GRM7: variants seen among roughly 807,000 people sequenced by gnomAD.
GRM7 encodes glutamate metabotropic receptor 7.
Under a neutral mutation model 84.5 loss-of-function variants are expected in GRM7, and 35 were observed. The ratio of observed to expected loss-of-function variants is 0.41; its 90% CI spans 0.32 to 0.55. The LOEUF (loss-of-function observed/expected upper bound fraction) is 0.55. GRM7 is among the 20% of genes least tolerant of loss of function. The pLI is 0.19. For missense variants in GRM7, 1,003 were observed against 1,194.6 expected, an observed-to-expected ratio of 0.84 and a Z score of 2.36; for synonymous variants, 487 against 455.1, an observed-to-expected ratio of 1.07 and a Z score of -0.89.
At chr3:7,285,634 C>G (rs1015634940) in intron 2 of GRM7, among the ~76,000 whole-genome samples, 2 of 152,068 alleles carry the variant, frequency 1.3e-5, no homozygotes, top group Non-Finnish European at 2.9e-5. Context: ...AGAAACTCTT[C>G]TATTCCTTGA....
At chr3:6,948,497 G>C (rs1014447289) in intron 1 of GRM7, among the ~76,000 whole-genome samples, 1 of 152,170 alleles carries the variant, frequency 6.6e-6, no homozygotes, top group Non-Finnish European at 1.5e-5. Context: ...TTTTGGAATA[G>C]GTGTGGTGTG....
intron 2 of GRM7, among the ~76,000 whole-genome samples, chr3:7,278,822 C>G (rs62234948): frequency 6.6e-6 from 1 of 152,266 alleles, no homozygotes. Flanking sequence ...CAGGTCTTCA[C>G]TGAATGGATA....
At chr3:7,070,744 C>G (rs915906538) in intron 1 of GRM7, among the ~76,000 whole-genome samples, 1 of 151,632 alleles carries the variant, frequency 6.6e-6, no homozygotes, top group Non-Finnish European at 1.5e-5. Flanking sequence ...TTTTCTTTAT[C>G]TTTGTGACAA....
At chr3:7,109,879 A>C (rs768483811) in intron 1 of GRM7, among the ~76,000 whole-genome samples, 7 of 152,108 alleles carry the variant, frequency 4.6e-5, no homozygotes, top group African/African-American at 1.7e-4. Flanking sequence ...TCTGCCATAA[A>C]TCCAATCTTC....
intron 2 of GRM7, among the ~76,000 whole-genome samples, chr3:7,216,134 G>A (rs540255078): frequency 8.5e-5 from 13 of 152,188 alleles, no homozygotes; most frequent in Admixed American, 2.0e-4. Flanking sequence ...TTTTGAAAAT[G>A]CCTCAGAAAG....
intron 1 of GRM7, among the ~76,000 whole-genome samples, chr3:6,978,491 C>T (rs1694080048): frequency 6.6e-6 from 1 of 152,114 alleles, no homozygotes. Flanking sequence ...TACTTCCCCC[C>T]CATTTGATCC....
intron 5 of GRM7, among the ~76,000 whole-genome samples, chr3:7,416,631 A>G (rs1165440371): frequency 6.6e-6 from 1 of 152,194 alleles, no homozygotes; most frequent in Non-Finnish European, 1.5e-5. Context: ...ATGAATAACA[A>G]TAATGATATA....
chr3:7,593,949 A>G lies in GRM7; in HGVS notation c.2451+14592A>G, dbSNP rs917234003. On this transcript the variant is annotated intron_variant, in intron 8 of 9. Transcript: ENST00000357716. ...CTTGACACAATCCACAGAAGGGGGA[A>G]AAAAAAAAACACTGAAAGTGATTTA... Among the ~76,000 whole-genome samples, 36 of 144,320 alleles carry G rather than the reference A, an allele frequency of 2.5e-4. 1 individual carries two copies. The highest frequency in any genetic ancestry group is 8.6e-4 in the African/African-American group (32 of 37,194). The allele number at this position is 144,320 out of a possible 152,430, so 94.7% of individuals were successfully genotyped here.
intron 7 of GRM7, among the ~76,000 whole-genome samples, chr3:7,535,722 A>G (rs896822654): frequency 6.6e-6 from 1 of 152,184 alleles, no homozygotes; most frequent in South Asian, 2.1e-4. Flanking sequence ...TAACCATACA[A>G]TTGTGCAGAA....
intron 1 of GRM7, among the ~76,000 whole-genome samples, chr3:6,987,154 G>T (rs1396315322): frequency 1.3e-5 from 2 of 151,544 alleles, no homozygotes; most frequent in African/African-American, 4.9e-5. Flanking sequence ...TTTTCTTCTA[G>T]CCTTCTGTGG....
chr3:6,896,782 T>C (rs1476594766), intron 1 of GRM7, among the ~76,000 whole-genome samples: 1 of 152,204 alleles, frequency 6.6e-6, no homozygotes, highest in Non-Finnish European at 1.5e-5. Context: ...CCACTTGTTT[T>C]CCTGGAAAAT....
At chr3:7,210,967 G>A (rs1480124915) in intron 2 of GRM7, among the ~76,000 whole-genome samples, 1 of 152,092 alleles carries the variant, frequency 6.6e-6, no homozygotes, top group Non-Finnish European at 1.5e-5. Flanking sequence ...TCTATCCCTG[G>A]TGGTGCTAAG....
intron 1 of GRM7, among the ~76,000 whole-genome samples, chr3:6,932,291 T>C (rs1053994509): frequency 9.2e-5 from 14 of 152,334 alleles, no homozygotes; most frequent in Non-Finnish European, 1.8e-4. Context: ...ATATTCTTAG[T>C]CTTAACCCTT....
chr3:6,993,645 A>G (rs1029040743), intron 1 of GRM7, among the ~76,000 whole-genome samples: 2 of 152,216 alleles, frequency 1.3e-5, no homozygotes, highest in African/African-American at 2.4e-5. Context: ...TGGAGGTGGT[A>G]GAGACTCTAT....
intron 1 of GRM7, among the ~76,000 whole-genome samples, chr3:7,020,669 TA>T (rs1445656421): frequency 6.6e-6 from 1 of 152,204 alleles, no homozygotes; most frequent in Non-Finnish European, 1.5e-5. Flanking sequence ...CCTCCTTTTA[TA>T]GGGTGACTAC....
intron 4 of GRM7, among the ~76,000 whole-genome samples, chr3:7,362,989 G>T (rs1415708123): frequency 1.3e-5 from 2 of 152,126 alleles, no homozygotes; most frequent in East Asian, 3.9e-4. Flanking sequence ...AGGCATGGTG[G>T]TACATGCCTG....
chr3:7,139,601 A>G (rs557201081), intron 1 of GRM7, among the ~76,000 whole-genome samples: 1 of 152,126 alleles, frequency 6.6e-6, no homozygotes, highest in African/African-American at 2.4e-5. Context: ...ATAATAAATT[A>G]TCTTCAAGGA....
chr3:7,614,717 A>T (rs17047722), intron 8 of GRM7, among the ~76,000 whole-genome samples: 64,490 of 152,000 alleles, frequency 0.42, 14,005 homozygotes, highest in African/African-American at 0.49. Context: ...CAATTACAAT[A>T]TACAGGCATT....
intron 7 of GRM7, among the ~76,000 whole-genome samples, chr3:7,558,087 G>A (rs1290915098): frequency 1.4e-5 from 2 of 141,298 alleles, no homozygotes; most frequent in African/African-American, 5.1e-5. Flanking sequence ...TGGATAACTT[G>A]TTTGCAAGGA....
Sources: allele counts gnomAD v4.1 joint callset (sites outside exome capture counted in the v4.1 genomes callset), GRCh38; gene constraint gnomAD v4.1.1; transcripts MANE v1.5; gene names NCBI Gene and HGNC (gene_info 2026-07-23, HGNC 2026-07-21).